Variants in CPEB1 observed in about 807,000 individuals in gnomAD.
CPEB1 encodes cytoplasmic polyadenylation element-binding protein 1.
In CPEB1, 7 loss-of-function variants were observed where a neutral mutation model predicts 65.8. That is an observed-to-expected ratio of 0.11 (90% CI 0.06 to 0.20). CPEB1 has a LOEUF of 0.20. Among genes scored for constraint, CPEB1 ranks in the 10% least tolerant of loss-of-function variants. The probability of loss-of-function intolerance (pLI) is 1.00; values close to 1 mark genes in which losing one functional copy is unlikely to be tolerated. For missense variants in CPEB1, 551 were observed against 712.2 expected (o/e 0.77, Z 2.58); for synonymous variants, 262 against 260.0 (o/e 1.01, Z -0.08).
intron 3 of CPEB1, among the ~76,000 whole-genome samples, chr15:82,572,818 T>C (rs754054425): frequency 2.1e-4 from 32 of 152,164 alleles, no homozygotes; most frequent in Non-Finnish European, 4.3e-4. Context: ...ACAAGACCAA[T>C]GCTTATTTCT....
chr15:82,595,487 G>T (rs2042599202), intron 3 of CPEB1, among the ~76,000 whole-genome samples: 1 of 152,128 alleles, frequency 6.6e-6, no homozygotes, highest in African/African-American at 2.4e-5. Flanking sequence ...CATCCTACCA[G>T]GTGTAAAGAG....
intron 9 of CPEB1, among the ~76,000 whole-genome samples, chr15:82,550,592 G>A (rs144081556): frequency 6.6e-6 from 1 of 152,292 alleles, no homozygotes; most frequent in African/African-American, 2.4e-5. Flanking sequence ...TACAAGAGGG[G>A]AGCCAATTTC....
At chr15:82,605,814 G>C (rs1289644990) in intron 3 of CPEB1, among the ~76,000 whole-genome samples, 2 of 151,966 alleles carry the variant, frequency 1.3e-5, no homozygotes, top group African/African-American at 2.4e-5. Context: ...TGAGGTGGGC[G>C]GATCACCTGA....
At chr15:82,626,857 T>C (rs2045822979) in intron 3 of CPEB1, among the ~76,000 whole-genome samples, 1 of 152,212 alleles carries the variant, frequency 6.6e-6, no homozygotes, top group East Asian at 1.9e-4. Flanking sequence ...AAAATATTAA[T>C]TTCATCTGTA....
intron 4 of CPEB1, among the ~76,000 whole-genome samples, chr15:82,561,050 T>C (rs1426685448): frequency 6.6e-6 from 1 of 152,154 alleles, no homozygotes; most frequent in Admixed American, 6.5e-5. Flanking sequence ...GGAAAACCAG[T>C]GATTTCAATA....
In CPEB1 at chr15:82,561,577, GT is replaced by G. The variant is rs796337158; in HGVS notation, c.461-3592del. On this transcript the variant is annotated intron_variant, in intron 4 of 12. Transcript: ENST00000684509. ...GCTCTGGTAACTGTCCTCACCCAAGGTTTTTTTTAAAAGGTATTTTGGAAAG... is the reference window on the plus strand; with the variant it reads ...GCTCTGGTAACTGTCCTCACCCAAGGTTTTTTTAAAAGGTATTTTGGAAAG... Among the ~76,000 whole-genome samples the G allele has an allele frequency of 8.5e-5, 13 of 152,066 alleles. 1 individual carries two copies. Among genetic ancestry groups the G allele is most frequent in the African/African-American group, 2.9e-4 (12 of 41,470 alleles).
At chr15:82,591,856 T>A (rs1410113828) in intron 3 of CPEB1, among the ~76,000 whole-genome samples, 1 of 151,700 alleles carries the variant, frequency 6.6e-6, no homozygotes, top group Non-Finnish European at 1.5e-5. Flanking sequence ...TTTTTTTTTT[T>A]TTTTAAGACA....
intron 3 of CPEB1, among the ~76,000 whole-genome samples, chr15:82,605,749 C>G (rs968950602): frequency 3.3e-5 from 5 of 152,064 alleles, no homozygotes. Flanking sequence ...GTATAAACAC[C>G]TATTTGTGGC....
chr15:82,592,126 G>A (rs2151152346), intron 3 of CPEB1, among the ~76,000 whole-genome samples: 1 of 152,110 alleles, frequency 6.6e-6, no homozygotes, highest in Non-Finnish European at 1.5e-5. Context: ...ACAAGCAGGA[G>A]CCACCACGCC....
At chr15:82,549,424 C>T (rs1244374078) in intron 10 of CPEB1, 36 bp downstream of exon 10, 1 of 1,611,812 alleles carries the variant, frequency 6.2e-7, no homozygotes, top group East Asian at 2.2e-5. Context: ...TCCCAGGGGC[C>T]AACCAAGCTT....
At chr15:82,579,918 C>CAAAAAAAAAAA (rs59925251) in intron 3 of CPEB1, among the ~76,000 whole-genome samples, 5 of 32,680 alleles carry the variant, frequency 1.5e-4, no homozygotes, top group Non-Finnish European at 2.7e-4. Context: ...GACTCCGTCT[C>CAAAAAAAAAAA]AAAAAAAAAA....
chr15:82,596,042 A>C (rs964074472), intron 3 of CPEB1, among the ~76,000 whole-genome samples: 1 of 152,230 alleles, frequency 6.6e-6, no homozygotes, highest in Non-Finnish European at 1.5e-5. Flanking sequence ...TCCATAGAAC[A>C]CATGACCTAC....
chr15:82,562,262 AT>A, intron 4 of CPEB1: 1 of 450,630 alleles, frequency 2.2e-6, no homozygotes, highest in South Asian at 1.6e-5. Context: ...CAGACTACTG[AT>A]CTTCCCTACC....
At chr15:82,606,457 G>T (rs1469307413) in intron 3 of CPEB1, among the ~76,000 whole-genome samples, 3 of 140,276 alleles carry the variant, frequency 2.1e-5, no homozygotes, top group Non-Finnish European at 4.6e-5. Context: ...GTGACACAGG[G>T]ATACTCCGTC....
At chr15:82,627,807 T>A (rs891521940) in intron 2 of CPEB1, among the ~76,000 whole-genome samples, 1 of 152,206 alleles carries the variant, frequency 6.6e-6, no homozygotes, top group African/African-American at 2.4e-5. Context: ...ATTGGTTCAA[T>A]TGATATTTTG....
intron 8 of CPEB1, among the ~76,000 whole-genome samples, chr15:82,553,020 C>T (rs1300463490): frequency 6.6e-6 from 1 of 152,204 alleles, no homozygotes; most frequent in African/African-American, 2.4e-5. Context: ...CTGCTCCTTT[C>T]TACAGGGAAG....
intron 3 of CPEB1, among the ~76,000 whole-genome samples, chr15:82,579,634 C>T (rs563040024): frequency 3.9e-5 from 6 of 151,916 alleles, no homozygotes; most frequent in South Asian, 4.2e-4. Context: ...CAAGCACGGC[C>T]GGGCGCGGTG....
rs536988317 is a variant in CPEB1, at chr15:82,579,679, G to A, written c.272-8147C>T. On this transcript the variant is annotated intron_variant, in intron 3 of 12. Transcript: ENST00000684509. ...TGTAATCCCAGCACTTTGGGAGGCC[G>A]AGACGGGTGGATCATGAGGTCAGGA... Among the ~76,000 whole-genome samples, 341 of 144,900 alleles carry A rather than the reference G, an allele frequency of 2.4e-3. 1 individual carries two copies. The highest frequency in any genetic ancestry group is 0.013 in the Middle Eastern group (3 of 238).
At chr15:82,561,914 TCCGCAATCTGGA>T (rs1284004412) in intron 4 of CPEB1, among the ~76,000 whole-genome samples, 2 of 152,226 alleles carry the variant, frequency 1.3e-5, no homozygotes, top group Admixed American at 6.5e-5. Context: ...ATTCATCTGT[TCCGCAATCTGGA>T]CCAGGTTCAG....
Sources: gnomAD v4.1 joint callset for allele counts (sites outside exome capture counted in the v4.1 genomes callset) on GRCh38, gnomAD v4.1.1 for gene constraint, MANE v1.5 for transcripts, NCBI Gene and HGNC (gene_info 2026-07-23, HGNC 2026-07-21) for gene names.